Variants in CLIP1 observed in about 807,000 individuals in gnomAD.
CLIP1 encodes the protein CAP-Gly domain-containing linker protein 1.
CLIP1 carries 66 observed loss-of-function variants against 161.6 expected under a neutral mutation model. The ratio of observed to expected loss-of-function variants is 0.41; its 90% CI spans 0.33 to 0.50. CLIP1 has a LOEUF of 0.50. CLIP1 is among the 20% of genes least tolerant of loss of function. CLIP1 has a pLI of 0.27. For missense variants in CLIP1, 1,376 were observed against 1,702.0 expected, an observed-to-expected ratio of 0.81 and a Z score of 3.37; for synonymous variants, 598 against 626.2, an observed-to-expected ratio of 0.96 and a Z score of 0.67.
chr12:122,363,321 G>A (rs923540039), intron 4 of CLIP1, among the ~76,000 whole-genome samples: 8 of 151,944 alleles, frequency 5.3e-5, no homozygotes, highest in Non-Finnish European at 1.0e-4. Flanking sequence ...GCAACACCCC[G>A]TCTCTACTAA....
At chr12:122,408,963 A>G (rs1956427820) in intron 1 of CLIP1, among the ~76,000 whole-genome samples, 1 of 151,848 alleles carries the variant, frequency 6.6e-6, no homozygotes, top group South Asian at 2.1e-4. Flanking sequence ...AGGTCTGCAC[A>G]ACCATGCCCG....
At chr12:122,348,230 T>G (rs1302372865) in intron 9 of CLIP1, among the ~76,000 whole-genome samples, 1 of 152,098 alleles carries the variant, frequency 6.6e-6, no homozygotes, top group African/African-American at 2.4e-5. Flanking sequence ...CAAAGGCTAT[T>G]GGGCTCCAGG....
At chr12:122,304,803 C>A (rs1369684031) in intron 20 of CLIP1, among the ~76,000 whole-genome samples, 1 of 152,194 alleles carries the variant, frequency 6.6e-6, no homozygotes, top group East Asian at 1.9e-4. Context: ...CTTCAATCAG[C>A]CCTAGTTGCC....
In CLIP1 at chr12:122,396,933, A is replaced by ATTTT. The variant is rs34381270; in HGVS notation, c.-106-16379_-106-16376dup. 9.5e-4 allele frequency among the ~76,000 whole-genome samples: 71 copies of ATTTT among 75,064 alleles called. 2 individuals carry two copies. The highest frequency in any genetic ancestry group is 3.9e-3 in the East Asian group (9 of 2,298). The allele number at this position is 75,064 out of a possible 152,430, so 49.2% of individuals were successfully genotyped here. A position where few individuals can be genotyped will look rare whatever the true frequency, so the allele number is the denominator to read the frequency against. On this transcript the variant is annotated intron_variant, in intron 1 of 25. Coordinates refer to ENST00000620786, the MANE Select transcript of CLIP1 (RefSeq NM_001247997.2). ...AGGCAGACACCACCACACCCGGCAA[A>ATTTT]TTTTTTTTTTTTTTTTTTTTTTTTT...
chr12:122,390,804 A>AC (rs1378001848), intron 1 of CLIP1, among the ~76,000 whole-genome samples: 1 of 152,068 alleles, frequency 6.6e-6, no homozygotes, highest in African/African-American at 2.4e-5. Context: ...AAAAAAAAAA[A>AC]AGAATAAAAT....
intron 3 of CLIP1, among the ~76,000 whole-genome samples, chr12:122,365,845 C>T (rs1954131979): frequency 1.3e-5 from 2 of 151,706 alleles, no homozygotes; most frequent in African/African-American, 4.8e-5. Context: ...CCTGTCTGTA[C>T]AAATAATAAA....
At chr12:122,407,893 A>G (rs1956389188) in intron 1 of CLIP1, among the ~76,000 whole-genome samples, 1 of 152,044 alleles carries the variant, frequency 6.6e-6, no homozygotes, top group South Asian at 2.1e-4. Context: ...TGCTCTGAAC[A>G]AGAAAAGGGT....
At chr12:122,394,930 G>A (rs1593238225) in intron 1 of CLIP1, among the ~76,000 whole-genome samples, 1 of 152,012 alleles carries the variant, frequency 6.6e-6, no homozygotes, top group East Asian at 1.9e-4. Context: ...ATATCTGTAC[G>A]AACCAACACC....
In CLIP1 at chr12:122,273,087, T is replaced by G; in HGVS notation, c.4105A>C (p.Lys1369Gln). The G allele has an allele frequency of 6.2e-7, 1 of 1,613,934 alleles. No homozygotes were observed. Among genetic ancestry groups the G allele is most frequent in the South Asian group, 1.1e-5 (1 of 91,064 alleles). Reference protein sequence around the residue: ...LNNYDSDDQEKQSKKKPRLFC... With the variant: ...LNNYDSDDQEQQSKKKPRLFC... ...AGGCGAGGTTTCTTCTTGGACTGTT[T>G]CTCCTGATCATCACTACAAATGTTA... The change falls in exon 26 of 26, where the codon AAA becomes CAA. Residue 1369 changes from lysine (K) to glutamine (Q), a missense_variant. Around this residue, in one of 6 missense-constraint regions of CLIP1, gnomAD observed 948 missense variants for 1,134.8 expected, o/e 0.84. Transcript: ENST00000620786.
chr12:122,296,423 C>T (rs756709091), intron 20 of CLIP1, among the ~76,000 whole-genome samples: 3 of 151,830 alleles, frequency 2.0e-5, no homozygotes, highest in Non-Finnish European at 4.4e-5. Context: ...TTGTAGAAAA[C>T]AAAAACAATG....
At chr12:122,370,409 C>T (rs2136690985) in intron 3 of CLIP1, among the ~76,000 whole-genome samples, 1 of 152,204 alleles carries the variant, frequency 6.6e-6, no homozygotes, top group South Asian at 2.1e-4. Flanking sequence ...GAACAACTTC[C>T]GGTGCATAGC....
intron 2 of CLIP1, among the ~76,000 whole-genome samples, chr12:122,378,880 C>T (rs1363680761): frequency 6.6e-6 from 1 of 152,168 alleles, no homozygotes; most frequent in Non-Finnish European, 1.5e-5. Flanking sequence ...AATCCCAGCA[C>T]TTTGGGAGGC....
At chr12:122,314,659 G>A (rs1177315536) in intron 19 of CLIP1, among the ~76,000 whole-genome samples, 1 of 152,190 alleles carries the variant, frequency 6.6e-6, no homozygotes, top group Non-Finnish European at 1.5e-5. Flanking sequence ...TCTCGTGGCA[G>A]TTCACATTCT....
chr12:122,409,425 C>T (rs1289820664), intron 1 of CLIP1, among the ~76,000 whole-genome samples: 1 of 152,002 alleles, frequency 6.6e-6, no homozygotes, highest in African/African-American at 2.4e-5. Flanking sequence ...CACGCCCAGC[C>T]TATATTTCAA....
chr12:122,403,331 C>G (rs1956202780), intron 1 of CLIP1, among the ~76,000 whole-genome samples: 1 of 151,956 alleles, frequency 6.6e-6, no homozygotes, highest in South Asian at 2.1e-4. Context: ...AAACCGAGAG[C>G]TCAGCACAAA....
intron 12 of CLIP1, 96 bp downstream of exon 12, chr12:122,336,530 TAGAAAG>T (rs1415108586): frequency 1.0e-5 from 7 of 682,318 alleles, no homozygotes; most frequent in African/African-American, 1.8e-5. Flanking sequence ...AATCAACACT[TAGAAAG>T]AGAAAGGAAA....
chr12:122,333,901 A>G, intron 14 of CLIP1, 126 bp downstream of exon 14: 4 of 615,118 alleles, frequency 6.5e-6, no homozygotes, highest in Admixed American at 2.8e-5. Context: ...TCACATTGTT[A>G]TATCACCATG....
rs1486685471 is a variant in CLIP1 at position 122,272,531 on chromosome 12, AACG to A, written c.*341_*343del. The A allele has an allele frequency of 5.2e-6, 1 of 193,738 alleles. No homozygotes were observed. Among genetic ancestry groups the A allele is most frequent in the African/African-American group, 2.3e-5 (1 of 42,804 alleles). The allele number at this position is 193,738 out of a possible 1,614,324, so 12.0% of individuals were successfully genotyped here. A position where few individuals can be genotyped will look rare whatever the true frequency, so the allele number is the denominator to read the frequency against. On this transcript the variant is annotated 3_prime_UTR_variant, in exon 26 of 26. Transcript: ENST00000620786. Reference sequence around the variant, plus strand: ...ATATCTTAGTGCAAATATGAAAAGTAACGGCATAATTTAAAGTTACTTAAATAA... The same window carrying A: ...ATATCTTAGTGCAAATATGAAAAGTAGCATAATTTAAAGTTACTTAAATAA...
chr12:122,327,796 A>T (rs1951763610), intron 17 of CLIP1, 151 bp downstream of exon 17: 1 of 641,360 alleles, frequency 1.6e-6, no homozygotes, highest in African/African-American at 1.8e-5. Flanking sequence ...TAGGAAATGT[A>T]ATGTACCACC....
Sources: allele counts gnomAD v4.1 joint callset (sites outside exome capture counted in the v4.1 genomes callset), GRCh38; gene constraint gnomAD v4.1.1; regional missense constraint gnomAD v4.1.1; transcripts MANE v1.5; gene names NCBI Gene and HGNC (gene_info 2026-07-23, HGNC 2026-07-21).